The following BABAM2 variants were observed in gnomAD, a reference collection of about 807,000 sequenced individuals.
BABAM2 encodes the protein BRISC and BRCA1 A complex member 2.
A neutral mutation model predicts 54.7 loss-of-function variants in BABAM2; 31 were observed. That is an observed-to-expected ratio of 0.57 (90% confidence interval 0.43 to 0.77). The LOEUF is 0.77. Among genes scored for constraint, BABAM2 ranks in the 30% least tolerant of loss-of-function variants. BABAM2 has a pLI of 0.00. For missense variants in BABAM2, 364 were observed against 455.8 expected (o/e 0.80, Z 1.83); for synonymous variants, 167 against 162.9 (o/e 1.03, Z -0.19).
chr2:27,963,840 A>G (rs955467590), intron 3 of BABAM2, among the ~76,000 whole-genome samples: 11 of 152,088 alleles, frequency 7.2e-5, no homozygotes, highest in Admixed American at 5.9e-4. Context: ...TCTGAGTGAT[A>G]TAACATACTT....
intron 6 of BABAM2, among the ~76,000 whole-genome samples, chr2:28,094,092 C>G (rs561845129): frequency 6.6e-6 from 1 of 152,010 alleles, no homozygotes; most frequent in Non-Finnish European, 1.5e-5. Context: ...CTGACCCTTC[C>G]CCAAATTTAA....
intron 7 of BABAM2, among the ~76,000 whole-genome samples, chr2:28,160,072 C>T (rs1338909652): frequency 6.6e-6 from 1 of 152,076 alleles, no homozygotes; most frequent in African/African-American, 2.4e-5. Flanking sequence ...ACCACAAACT[C>T]CTGGGCTCAA....
chr2:28,133,479 C>T lies in BABAM2; in HGVS notation c.680+4099C>T, dbSNP rs183127805. 7.9e-3 allele frequency among the ~76,000 whole-genome samples: 1,200 copies of T among 152,306 alleles called. 17 individuals carry two copies. Among genetic ancestry groups the T allele is most frequent in the African/African-American group, 0.028 (1,151 of 41,556 alleles). ...TCTGCTATGGCTCTTTCTAGGAAGT[C>T]CCAAGCCCCATGCAGTGCATTTGAC... is the stretch of plus-strand genomic sequence containing the variant. On this transcript the variant is annotated intron_variant, in intron 7 of 11. Transcript: ENST00000379624.
At chr2:28,153,374 CT>C (rs1163813911) in intron 7 of BABAM2, among the ~76,000 whole-genome samples, 1 of 152,186 alleles carries the variant, frequency 6.6e-6, no homozygotes, top group East Asian at 1.9e-4. Flanking sequence ...TTCTGCCTTA[CT>C]TTGTTCATAT....
intron 2 of BABAM2, among the ~76,000 whole-genome samples, chr2:27,925,860 A>C (rs575102767): frequency 6.6e-6 from 1 of 152,236 alleles, no homozygotes; most frequent in Non-Finnish European, 1.5e-5. Context: ...ACTCTGCTCA[A>C]CTCCCACATC....
chr2:28,325,354 T>A lies in BABAM2; in HGVS notation c.1089-13096T>A, dbSNP rs1363698395. 1.3e-5 allele frequency among the ~76,000 whole-genome samples: 2 copies of A among 152,184 alleles called. No individual in the cohort carries two copies. The highest frequency in any genetic ancestry group is 2.9e-5 in the Non-Finnish European group (2 of 68,032). ...GCAGATGCATCTCCTCCTCCTGTGC[T>A]TGCCCCCAGCCTCTCTACTGCATGA... On this transcript the variant is annotated intron_variant, in intron 11 of 11. Transcript: ENST00000379624. The surrounding 1 kb of genome is among the most constrained non-coding windows in gnomAD (Gnocchi z 4.3).
At chr2:28,263,581 AC>A (rs1684727133) in intron 10 of BABAM2, among the ~76,000 whole-genome samples, 1 of 152,194 alleles carries the variant, frequency 6.6e-6, no homozygotes, top group South Asian at 2.1e-4. Context: ...TGCCAGCCTT[AC>A]CCATTTTCCT....
chr2:28,245,383 A>G (rs1459080911), intron 10 of BABAM2, among the ~76,000 whole-genome samples: 1 of 152,220 alleles, frequency 6.6e-6, no homozygotes, highest in Admixed American at 6.5e-5. Flanking sequence ...TACAACTTTG[A>G]TAAAATGTAA....
intron 7 of BABAM2, among the ~76,000 whole-genome samples, chr2:28,156,842 A>C (rs1274338603): frequency 6.6e-6 from 1 of 152,202 alleles, no homozygotes; most frequent in Admixed American, 6.5e-5. Context: ...GTCTAGGGAC[A>C]TCTTTGAGGA....
chr2:28,319,668 C>T (rs566000971), intron 11 of BABAM2, among the ~76,000 whole-genome samples: 99 of 152,334 alleles, frequency 6.5e-4, no homozygotes, highest in African/African-American at 2.0e-3. Flanking sequence ...GCTGAAGGAT[C>T]GGTGCCCCAT....
intron 10 of BABAM2, among the ~76,000 whole-genome samples, chr2:28,292,843 G>T (rs1237396487): frequency 2.6e-5 from 4 of 152,204 alleles, no homozygotes; most frequent in African/African-American, 9.6e-5. Flanking sequence ...AGCACTGTCA[G>T]ACTCTGGGGT....
chr2:27,946,645 AG>A (rs1669315001), intron 3 of BABAM2, among the ~76,000 whole-genome samples: 1 of 152,064 alleles, frequency 6.6e-6, no homozygotes, highest in South Asian at 2.1e-4. Context: ...AGAGAGAAAG[AG>A]AGGCGAGAGA....
chr2:28,038,586 G>A (rs562221579), intron 5 of BABAM2, among the ~76,000 whole-genome samples: 1 of 152,224 alleles, frequency 6.6e-6, no homozygotes, highest in South Asian at 2.1e-4. Flanking sequence ...CGTTATGTGT[G>A]TGTGTGCTCA....
chr2:28,321,719 C>G (rs1690036624), intron 11 of BABAM2, among the ~76,000 whole-genome samples: 1 of 152,054 alleles, frequency 6.6e-6, no homozygotes, highest in South Asian at 2.1e-4. Context: ...CCAGCAGGGA[C>G]CCAGAAATCA....
chr2:28,168,524 C>G (rs993826141), intron 7 of BABAM2, among the ~76,000 whole-genome samples: 2 of 152,108 alleles, frequency 1.3e-5, no homozygotes, highest in Non-Finnish European at 2.9e-5. Context: ...TCATTTATGC[C>G]AAATTCTCCT....
At chr2:27,919,604 A>G (rs1667213306) in intron 2 of BABAM2, among the ~76,000 whole-genome samples, 1 of 152,218 alleles carries the variant, frequency 6.6e-6, no homozygotes, top group East Asian at 1.9e-4. Flanking sequence ...AGATAATCCT[A>G]TCAATTTCCT....
chr2:28,174,356 G>A (rs750159592), intron 7 of BABAM2, among the ~76,000 whole-genome samples: 6 of 152,192 alleles, frequency 3.9e-5, no homozygotes, highest in Non-Finnish European at 7.3e-5. Context: ...GAAATATGGT[G>A]AAAAATAAAG....
At position 28,298,490 on chromosome 2, in the gene BABAM2, A is replaced by G; in HGVS notation, c.1087A>G (p.Lys363Glu). The G allele has an allele frequency of 6.2e-7, 1 of 1,614,040 alleles. No homozygotes were observed. Among genetic ancestry groups the G allele is most frequent in the Non-Finnish European group, 8.5e-7 (1 of 1,179,968 alleles). The change falls in exon 11 of 12, where the codon AAG becomes GAG. Residue 363 changes from lysine (K) to glutamate (E), a missense_variant and splice_region_variant. Physicochemically the swap from Lys to Glu is moderately conservative, Grantham distance 56. Coordinates refer to ENST00000379624, the MANE Select transcript of BABAM2 (RefSeq NM_199191.3). ...TGGAAATGAAATGGCCAAAAGAGCAAAGTAAGTGAATCTGTCGTTATTTCC... is the reference window on the plus strand; with the variant it reads ...TGGAAATGAAATGGCCAAAAGAGCAGAGTAAGTGAATCTGTCGTTATTTCC... ...WDGNEMAKRAKAYFKTFVPQF... is the reference protein window; with the variant it reads ...WDGNEMAKRAEAYFKTFVPQF...
At chr2:28,324,296 A>G (rs1359750096) in intron 11 of BABAM2, among the ~76,000 whole-genome samples, 2 of 152,212 alleles carry the variant, frequency 1.3e-5, no homozygotes, top group Admixed American at 6.5e-5. Context: ...TGCATAGATG[A>G]GAAAACAGAG....
Sources: allele counts gnomAD v4.1 joint callset (sites outside exome capture counted in the v4.1 genomes callset), GRCh38; gene constraint gnomAD v4.1.1; non-coding constraint Gnocchi (gnomAD v3.1); transcripts MANE v1.5; gene names NCBI Gene and HGNC (gene_info 2026-07-23, HGNC 2026-07-21).